EML4: variants seen among roughly 807,000 people sequenced by gnomAD.
EML4 encodes the protein EMAP like 4.
EML4 carries 72 observed loss-of-function variants against 129.0 expected under a neutral mutation model. The ratio of observed to expected loss-of-function variants is 0.56; its 90% CI spans 0.46 to 0.68. The LOEUF (loss-of-function observed/expected upper bound fraction) is 0.68. EML4 is among the 30% of genes least tolerant of loss of function. The pLI, the probability that EML4 is intolerant of heterozygous loss-of-function variation, is 0.00. For synonymous variants in EML4, 532 were observed against 405.0 expected, an observed-to-expected ratio of 1.31 and a Z score of -3.77; for missense variants, 1,363 against 1,190.6, an observed-to-expected ratio of 1.14 and a Z score of -2.13.
intron 17 of EML4, among the ~76,000 whole-genome samples, chr2:42,314,320 C>G (rs1394459711): frequency 2.0e-5 from 3 of 152,032 alleles, no homozygotes; most frequent in Non-Finnish European, 4.4e-5. Flanking sequence ...GATCGTGCCA[C>G]TGCACTCCAG....
At chr2:42,246,614 A>AGATACATATTGGTAGCT (rs1287485518) in intron 2 of EML4, among the ~76,000 whole-genome samples, 3 of 152,204 alleles carry the variant, frequency 2.0e-5, no homozygotes, top group Non-Finnish European at 2.9e-5. Context: ...TGGTATGTAG[A>AGATACATATTGGTAGCT]GATACATATT....
At chr2:42,286,443 A>C (rs534126369) in intron 10 of EML4, 64 bp downstream of exon 10, 30 of 1,002,664 alleles carry the variant, frequency 3.0e-5, no homozygotes, top group Middle Eastern at 2.2e-4. Context: ...AGTTAAGCTC[A>C]GTTTTGTGTT....
chr2:42,215,766 T>C (rs1477775458), intron 1 of EML4, among the ~76,000 whole-genome samples: 2 of 152,224 alleles, frequency 1.3e-5, no homozygotes, highest in Non-Finnish European at 2.9e-5. Context: ...AGAATCTTTA[T>C]TGCTATACCT....
chr2:42,249,118 A>G (rs1191421272), intron 2 of EML4, among the ~76,000 whole-genome samples: 2 of 152,212 alleles, frequency 1.3e-5, no homozygotes, highest in African/African-American at 4.8e-5. Context: ...TTGATATTAA[A>G]CAGGATTGAT....
At chr2:42,227,163 G>T (rs1409139264) in intron 1 of EML4, among the ~76,000 whole-genome samples, 1 of 152,036 alleles carries the variant, frequency 6.6e-6, no homozygotes, top group African/African-American at 2.4e-5. Context: ...CAGCTGGAGT[G>T]CAGTGGCACA....
chr2:42,246,570 G>A (rs1675413369), intron 2 of EML4, among the ~76,000 whole-genome samples: 2 of 152,156 alleles, frequency 1.3e-5, no homozygotes, highest in Admixed American at 1.3e-4. Context: ...GAAAGATTGT[G>A]AATTCAGTTT....
At chr2:42,176,478 C>T (rs573989157) in intron 1 of EML4, among the ~76,000 whole-genome samples, 1 of 152,282 alleles carries the variant, frequency 6.6e-6, no homozygotes, top group South Asian at 2.1e-4. Flanking sequence ...TTCTCAAGTC[C>T]TCTGTCATCT....
chr2:42,295,326 G>T (rs1667880783), intron 12 of EML4, 55 bp from the exon 13 acceptor site: 1 of 1,602,230 alleles, frequency 6.2e-7, no homozygotes, highest in African/African-American at 1.3e-5. Context: ...TGTTTAATAA[G>T]CATCAAGTTG....
At chr2:42,209,368 C>G (rs528852238) in intron 1 of EML4, among the ~76,000 whole-genome samples, 12 of 152,066 alleles carry the variant, frequency 7.9e-5, no homozygotes, top group African/African-American at 2.9e-4. Flanking sequence ...TTGTGAAGGG[C>G]TTTTTCAGTT....
chr2:42,259,721 TC>T (rs1665592850), intron 3 of EML4, among the ~76,000 whole-genome samples: 3 of 115,622 alleles, frequency 2.6e-5, no homozygotes, highest in South Asian at 5.4e-4. Context: ...TTTCTTTCTT[TC>T]TTTTTTTTTT....
At chr2:42,229,528 T>G (rs1244997308) in intron 1 of EML4, among the ~76,000 whole-genome samples, 1 of 152,068 alleles carries the variant, frequency 6.6e-6, no homozygotes, top group African/African-American at 2.4e-5. Context: ...GCAAGACAGA[T>G]AACTGTCTTG....
At chr2:42,256,477 A>T (rs777768967) in intron 2 of EML4, 24 bp from the exon 3 acceptor site, 588 of 1,570,064 alleles carry the variant, frequency 3.7e-4, no homozygotes, top group Non-Finnish European at 4.8e-4. Flanking sequence ...ATTTGATATA[A>T]TTTTTTTCCT....
At chr2:42,267,882 T>C (rs183966857) in intron 6 of EML4, among the ~76,000 whole-genome samples, 4 of 152,310 alleles carry the variant, frequency 2.6e-5, no homozygotes, top group Non-Finnish European at 5.9e-5. Context: ...AACTTAAAAT[T>C]TGAATAAGTT....
Position 42,332,346 on chromosome 2 carries a change from T to C in EML4, c.*2139T>C, listed in dbSNP as rs1670147832. 2 of 210,142 alleles carry C rather than the reference T, an allele frequency of 9.5e-6. No homozygotes were observed. Among genetic ancestry groups the C allele is most frequent in the Non-Finnish European group, 1.9e-5 (2 of 103,082 alleles). 13.0% of individuals were successfully genotyped at this position (210,142 alleles called of 1,614,324 possible). On this transcript the variant is annotated 3_prime_UTR_variant, in exon 23 of 23. Transcript: ENST00000318522. ...CTATTTAATGCTGGCAACTACTGTT[T>C]AATGGTCAGTTAAATCTGTGATAAT...
chr2:42,198,553 G>A (rs1384590078), intron 1 of EML4, among the ~76,000 whole-genome samples: 1 of 152,088 alleles, frequency 6.6e-6, no homozygotes, highest in Non-Finnish European at 1.5e-5. Flanking sequence ...TACAAAAAAA[G>A]AAGAAAAATT....
chr2:42,259,367 G>T (rs1050302434), intron 3 of EML4, among the ~76,000 whole-genome samples: 4 of 152,080 alleles, frequency 2.6e-5, no homozygotes, highest in African/African-American at 9.7e-5. Context: ...TGTCAAGAGT[G>T]TTTTCAGTAT....
At chr2:42,320,024 A>G (rs1433474926) in intron 19 of EML4, 1 of 152,190 alleles carries the variant, frequency 6.6e-6, no homozygotes, top group Non-Finnish European at 1.5e-5. Flanking sequence ...AGTTATATGC[A>G]TTTGGAGTCT....
chr2:42,273,108 A>T (rs767205300), intron 6 of EML4, among the ~76,000 whole-genome samples: 2 of 152,154 alleles, frequency 1.3e-5, no homozygotes, highest in Non-Finnish European at 2.9e-5. Context: ...ATTTTTAAAA[A>T]GTTAAGTGCA....
chr2:42,294,285 A>G (rs1273207767), intron 11 of EML4, among the ~76,000 whole-genome samples: 1 of 152,230 alleles, frequency 6.6e-6, no homozygotes, highest in Non-Finnish European at 1.5e-5. Flanking sequence ...AGAGCATAAA[A>G]GCCCTCTGGG....
Sources: gnomAD v4.1 joint callset for allele counts (sites outside exome capture counted in the v4.1 genomes callset) on GRCh38, gnomAD v4.1.1 for gene constraint, MANE v1.5 for transcripts, NCBI Gene and HGNC (gene_info 2026-07-23, HGNC 2026-07-21) for gene names.